Variants in HPS3 observed in about 807,000 individuals in gnomAD.
HPS3 encodes HPS3 biogenesis of lysosomal organelles complex 2 subunit 1.
Under a neutral mutation model 110.9 loss-of-function variants are expected in HPS3, and 79 were observed. The observed-to-expected ratio is 0.71, with a 90% confidence interval of 0.59 to 0.86. The LOEUF is 0.86. Among genes scored for constraint, HPS3 ranks in the 40% least tolerant of loss-of-function variants. The probability of loss-of-function intolerance (pLI) is 0.00; values close to 1 mark genes in which losing one functional copy is unlikely to be tolerated. For missense variants in HPS3, 1,197 were observed against 1,206.2 expected, an observed-to-expected ratio of 0.99 and a Z score of 0.11; for synonymous variants, 428 against 451.0, an observed-to-expected ratio of 0.95 and a Z score of 0.65.
rs909357490 is a variant in HPS3, at chr3:149,164,365, C to T, written c.2589+416C>T. Among the ~76,000 whole-genome samples, 6 of 152,152 alleles carry T rather than the reference C, an allele frequency of 3.9e-5. No homozygotes were observed. The East Asian group carries it at 1.2e-3, about 29-fold the overall frequency. On this transcript the variant is annotated intron_variant, in intron 14 of 16. Coordinates refer to ENST00000296051, the MANE Select transcript of HPS3 (RefSeq NM_032383.5). ...GCACTGCTATTTCTCTTATAGGAAACAGGTCAAAGTAGTTAGTTTATCCAG... is the reference window on the plus strand; with the variant it reads ...GCACTGCTATTTCTCTTATAGGAAATAGGTCAAAGTAGTTAGTTTATCCAG...
At position 149,151,892 on chromosome 3, in the gene HPS3, G is replaced by A. The variant is rs141312702; in HGVS notation, c.1245+1212G>A. On this transcript the variant is annotated intron_variant, in intron 6 of 16. Transcript: ENST00000296051. ...CCAGAAGGATAAGCCTTCAGTAATG[G>A]TGGTTATCTTAACAAGCCAGCCCCG... Among the ~76,000 whole-genome samples, 432 of 152,294 alleles carry A rather than the reference G, an allele frequency of 2.8e-3. 11 individuals are homozygous for A. Among genetic ancestry groups the A allele is most frequent in the Admixed American group, 0.025 (377 of 15,284 alleles).
chr3:149,136,073 G>A (rs1722073555), intron 1 of HPS3, among the ~76,000 whole-genome samples: 1 of 152,038 alleles, frequency 6.6e-6, no homozygotes, highest in Non-Finnish European at 1.5e-5. Context: ...AAGCTCAAGA[G>A]TAAAAATGAG....
chr3:149,136,312 G>T (rs6440587), intron 1 of HPS3, among the ~76,000 whole-genome samples: 4 of 151,850 alleles, frequency 2.6e-5, no homozygotes, highest in Non-Finnish European at 4.4e-5. Flanking sequence ...AGTCCGGGAG[G>T]TGGAGGTTGC....
intron 6 of HPS3, among the ~76,000 whole-genome samples, chr3:149,151,012 CT>C (rs112353597): frequency 0.2 from 30,559 of 151,330 alleles, 3,396 homozygotes; most frequent in South Asian, 0.3. Context: ...TTGATTTTAA[CT>C]TTTAATTTTT....
intron 6 of HPS3, among the ~76,000 whole-genome samples, chr3:149,152,869 G>C (rs1723217011): frequency 1.3e-5 from 2 of 152,154 alleles, no homozygotes; most frequent in East Asian, 3.9e-4. Flanking sequence ...TTGAATTAAT[G>C]GTCCTTTACA....
chr3:149,171,855 C>A (rs1433827355), intron 16 of HPS3, among the ~76,000 whole-genome samples: 1 of 151,998 alleles, frequency 6.6e-6, no homozygotes, highest in Non-Finnish European at 1.5e-5. Flanking sequence ...CAGGTGTGCG[C>A]CACCATGCCC....
intron 1 of HPS3, among the ~76,000 whole-genome samples, chr3:149,135,654 G>A (rs1344120375): frequency 6.6e-5 from 10 of 152,128 alleles, no homozygotes; most frequent in Admixed American, 6.5e-4. Flanking sequence ...CTAATACAGT[G>A]TGTAAAGCAA....
chr3:149,140,799 A>G (rs1398107043), intron 2 of HPS3, among the ~76,000 whole-genome samples: 1 of 152,212 alleles, frequency 6.6e-6, no homozygotes, highest in African/African-American at 2.4e-5. Context: ...GAGTTTCAAC[A>G]TCCTCATTTG....
intron 1 of HPS3, among the ~76,000 whole-genome samples, chr3:149,131,915 A>G (rs1055154156): frequency 4.6e-5 from 7 of 152,240 alleles, no homozygotes; most frequent in Non-Finnish European, 8.8e-5. Context: ...ACTTTGCTCT[A>G]GGTAGAAGAT....
At chr3:149,140,576 G>A (rs1331090970) in intron 2 of HPS3, 78 bp downstream of exon 2, 6 of 1,446,496 alleles carry the variant, frequency 4.1e-6, no homozygotes, top group African/African-American at 1.4e-5. Flanking sequence ...AAGGTCTGTG[G>A]TATATATGGT....
In HPS3 at chr3:149,146,044, C is replaced by G. The variant is rs138808527; in HGVS notation, c.1163+498C>G. ...GGTTAGAATTGGCCAAAGTCATGTG[C>G]TAATTGGTGGCAGATGTGTTGAGTT... On this transcript the variant is annotated intron_variant, in intron 5 of 16. Coordinates refer to ENST00000296051, the MANE Select transcript of HPS3 (RefSeq NM_032383.5). Among the ~76,000 whole-genome samples the G allele has an allele frequency of 9.4e-3, 1,439 of 152,300 alleles. 7 individuals are homozygous for G. Among genetic ancestry groups the G allele is most frequent in the African/African-American group, 0.033 (1,382 of 41,550 alleles).
At chr3:149,138,487 T>C (rs1722254465) in intron 1 of HPS3, among the ~76,000 whole-genome samples, 1 of 152,008 alleles carries the variant, frequency 6.6e-6, no homozygotes, top group African/African-American at 2.4e-5. Flanking sequence ...TCCACTAAAA[T>C]AGAAGAAAAT....
In HPS3 at chr3:149,140,073, A is replaced by G; in HGVS notation, c.287A>G (p.Asn96Ser). 6.2e-7 allele frequency: 1 copy of G among 1,612,884 alleles called. No individual in the cohort carries two copies. The highest frequency in any genetic ancestry group is 8.5e-7 in the Non-Finnish European group (1 of 1,179,610). ...CTACGTGCTTATGTGAACTGGAGAAATAAAAGGACTGAAAACTCTCGTGTG... is the reference window on the plus strand; with the variant it reads ...CTACGTGCTTATGTGAACTGGAGAAGTAAAAGGACTGAAAACTCTCGTGTG... ...TFLRAYVNWR[N>S]KRTENSRVCI... Residue 96 changes from asparagine to serine, a missense_variant, in exon 2 of 17, where the codon AAT (asparagine) becomes AGT (serine). Physicochemically the swap from Asn to Ser is conservative, Grantham distance 46. Coordinates refer to ENST00000296051, the MANE Select transcript of HPS3 (RefSeq NM_032383.5).
intron 14 of HPS3, among the ~76,000 whole-genome samples, chr3:149,165,484 AT>A (rs34255649): frequency 6.7e-5 from 10 of 149,270 alleles, no homozygotes; most frequent in East Asian, 2.0e-4. Flanking sequence ...AACTTTTATA[AT>A]TTTTTTTTTT....
intron 14 of HPS3, among the ~76,000 whole-genome samples, chr3:149,166,385 T>C (rs1019612973): frequency 6.6e-6 from 1 of 152,096 alleles, no homozygotes; most frequent in Admixed American, 6.5e-5. Flanking sequence ...AAACAAAGAG[T>C]AGGCTTTGTT....
In HPS3 at chr3:149,140,985, C is replaced by T. The variant is rs186810630; in HGVS notation, c.713-32C>T. The T allele has an allele frequency of 2.4e-4, 384 of 1,595,260 alleles. 2 individuals carry two copies. In the Middle Eastern group the frequency reaches 7.5e-3, roughly 31 times the overall value. ...GATGTTGTAAAATCTAATTTTCATTCAAGCAGGACTGTTACATTTTATTTT... is the reference window on the plus strand; with the variant it reads ...GATGTTGTAAAATCTAATTTTCATTTAAGCAGGACTGTTACATTTTATTTT... On this transcript the variant is annotated intron_variant, in intron 2 of 16. Coordinates refer to ENST00000296051, the MANE Select transcript of HPS3 (RefSeq NM_032383.5).
chr3:149,139,835 C>T (rs985083969), intron 1 of HPS3, among the ~76,000 whole-genome samples, 169 bp from the exon 2 acceptor site: 2 of 152,154 alleles, frequency 1.3e-5, no homozygotes, highest in Admixed American at 6.5e-5. Flanking sequence ...AACCTCAAAG[C>T]CTAATGTCAG....
At chr3:149,156,617 C>G (rs1723474186) in intron 8 of HPS3, among the ~76,000 whole-genome samples, 1 of 151,076 alleles carries the variant, frequency 6.6e-6, no homozygotes, top group Admixed American at 6.6e-5. Context: ...GCATTTTCAG[C>G]CAGAATATTG....
chr3:149,170,944 G>A (rs953854131), intron 16 of HPS3, among the ~76,000 whole-genome samples: 14 of 152,150 alleles, frequency 9.2e-5, no homozygotes, highest in African/African-American at 3.1e-4. Context: ...GAATCATAAA[G>A]TTGCATTTTT....
Sources: allele counts gnomAD v4.1 joint callset (sites outside exome capture counted in the v4.1 genomes callset), GRCh38; gene constraint gnomAD v4.1.1; transcripts MANE v1.5; gene names NCBI Gene and HGNC (gene_info 2026-07-23, HGNC 2026-07-21).